Variants in KIAA1217 observed in about 807,000 individuals in gnomAD.
The protein encoded by KIAA1217 is KIAA1217, also known as sickle tail protein homolog.
A neutral mutation model predicts 163.9 loss-of-function variants in KIAA1217; 88 were observed. The ratio of observed to expected loss-of-function variants is 0.54; its 90% CI spans 0.45 to 0.64. KIAA1217 has a LOEUF of 0.64. KIAA1217 is among the 30% of genes least tolerant of loss of function. The pLI is 0.00. For missense variants in KIAA1217, 2,372 were observed against 2,475.0 expected (o/e 0.96, Z 0.88); for synonymous variants, 903 against 923.1 (o/e 0.98, Z 0.39).
At chr10:23,948,360 C>T (rs1844156198) in intron 1 of KIAA1217, among the ~76,000 whole-genome samples, 1 of 152,164 alleles carries the variant, frequency 6.6e-6, no homozygotes, top group African/African-American at 2.4e-5. Flanking sequence ...AAGAAGATTA[C>T]TTTGAGCATC....
rs547637944 is a variant in KIAA1217, at chr10:24,303,433, G to A, written c.355-77436G>A. On this transcript the variant is annotated intron_variant, in intron 2 of 20. Coordinates refer to ENST00000376454, the MANE Select transcript of KIAA1217 (RefSeq NM_019590.5). The stretch of plus-strand genomic sequence containing the variant: ...CTCCTGGACAACGTAGGGACAACAG[G>A]CCATGACTAGGGTGGTGGCCATGAG... Among the ~76,000 whole-genome samples, 11 of 152,276 alleles carry A rather than the reference G, an allele frequency of 7.2e-5. No homozygotes were observed. The East Asian group carries it at 2.1e-3, about 29-fold the overall frequency.
intron 1 of KIAA1217, among the ~76,000 whole-genome samples, chr10:23,968,606 A>G (rs1845171843): frequency 6.6e-6 from 1 of 152,166 alleles, no homozygotes; most frequent in African/African-American, 2.4e-5. Flanking sequence ...GAAATCCTGC[A>G]TCCATTAGCG....
chr10:24,197,026 A>C (rs2067022927), intron 2 of KIAA1217, among the ~76,000 whole-genome samples: 1 of 152,232 alleles, frequency 6.6e-6, no homozygotes, highest in South Asian at 2.1e-4. Flanking sequence ...CTTCACTACG[A>C]TATGGAGTTA....
intron 1 of KIAA1217, among the ~76,000 whole-genome samples, chr10:23,994,349 G>GTGGAAATCT (rs1042914811): frequency 6.6e-6 from 1 of 152,170 alleles, no homozygotes; most frequent in Non-Finnish European, 1.5e-5. Flanking sequence ...ATCTGATGTA[G>GTGGAAATCT]TGGAAATCTC....
At chr10:23,949,680 A>C (rs1220483219) in intron 1 of KIAA1217, among the ~76,000 whole-genome samples, 1 of 152,212 alleles carries the variant, frequency 6.6e-6, no homozygotes, top group Non-Finnish European at 1.5e-5. Flanking sequence ...AAAGTCATTT[A>C]TGATCATGAT....
At chr10:23,934,602 TATATGTATATATATATA>T in intron 1 of KIAA1217, among the ~76,000 whole-genome samples, 1 of 85,452 alleles carries the variant, frequency 1.2e-5, no homozygotes, top group African/African-American at 1.2e-4. Context: ...TATATATATA[TATATGTATATATATATA>T]TATATATTTT....
intron 3 of KIAA1217, 60 bp downstream of exon 3, chr10:24,381,127 C>T: frequency 8.1e-7 from 1 of 1,234,774 alleles, no homozygotes; most frequent in Non-Finnish European, 1.1e-6. Flanking sequence ...TGTTGTTATA[C>T]TACTGAACCT....
intron 2 of KIAA1217, among the ~76,000 whole-genome samples, chr10:24,298,520 G>C (rs546099539): frequency 6.6e-6 from 1 of 152,190 alleles, no homozygotes; most frequent in Non-Finnish European, 1.5e-5. Context: ...GTAGCGAGCC[G>C]GGCGCAGTGG....
intron 2 of KIAA1217, among the ~76,000 whole-genome samples, chr10:24,079,334 G>A (rs905913954): frequency 3.9e-5 from 6 of 152,208 alleles, no homozygotes; most frequent in African/African-American, 1.4e-4. Flanking sequence ...ATGCCCCCAT[G>A]GAGGGCCATT....
chr10:24,086,948 G>C (rs1018245123), intron 2 of KIAA1217, among the ~76,000 whole-genome samples: 1 of 152,154 alleles, frequency 6.6e-6, no homozygotes, highest in Non-Finnish European at 1.5e-5. Context: ...AGCTGGTACA[G>C]GGAAGTTGTA....
At position 23,723,779 on chromosome 10, in the gene KIAA1217, T is replaced by A. The variant is rs562388642; in HGVS notation, c.-321+28545T>A. Among the ~76,000 whole-genome samples the A allele has an allele frequency of 2.5e-3, 382 of 152,322 alleles. 1 individual carries two copies. The highest frequency in any genetic ancestry group is 4.4e-3 in the East Asian group (23 of 5,192). ...TAGGTTTGCTGTTTGCTGATTTTTTTTAAAAAATGTTAAAATTCATATGTG... is the reference window on the plus strand; with the variant it reads ...TAGGTTTGCTGTTTGCTGATTTTTTATAAAAAATGTTAAAATTCATATGTG... On this transcript the variant is annotated intron_variant, in intron 1 of 18. Transcript: ENST00000376462.
At chr10:24,022,173 C>T (rs963317446) in intron 2 of KIAA1217, among the ~76,000 whole-genome samples, 1 of 151,380 alleles carries the variant, frequency 6.6e-6, no homozygotes, top group Non-Finnish European at 1.5e-5. Context: ...AAGCCACACA[C>T]TGGAAGAAAT....
intron 2 of KIAA1217, among the ~76,000 whole-genome samples, chr10:24,149,270 C>T (rs965948107): frequency 7.9e-5 from 12 of 152,172 alleles, no homozygotes; most frequent in African/African-American, 2.2e-4. Context: ...ACCTCTGCCT[C>T]CTGGGTTTAA....
chr10:24,545,679 C>T, intron 20 of KIAA1217, 148 bp from the exon 21 acceptor site: 3 of 1,452,396 alleles, frequency 2.1e-6, no homozygotes, highest in Admixed American at 2.9e-5. Flanking sequence ...TCCAGTAGAG[C>T]ACAACAAGAC....
chr10:23,800,126 A>G (rs1836400756), intron 1 of KIAA1217, among the ~76,000 whole-genome samples: 2 of 152,176 alleles, frequency 1.3e-5, no homozygotes, highest in African/African-American at 4.8e-5. Flanking sequence ...ACAAAAATGG[A>G]AGATCAAAAT....
intron 1 of KIAA1217, among the ~76,000 whole-genome samples, chr10:23,755,906 C>A (rs1036137251): frequency 6.6e-6 from 1 of 152,046 alleles, no homozygotes; most frequent in African/African-American, 2.4e-5. Context: ...ACATAATAAC[C>A]AATACCTTTG....
intron 2 of KIAA1217, among the ~76,000 whole-genome samples, chr10:24,116,537 T>C (rs2063062666): frequency 6.6e-6 from 1 of 152,172 alleles, no homozygotes; most frequent in Non-Finnish European, 1.5e-5. Context: ...TCAATTTTTA[T>C]GTGTTCCAAT....
At chr10:24,132,125 A>G (rs968284993) in intron 2 of KIAA1217, among the ~76,000 whole-genome samples, 1 of 152,210 alleles carries the variant, frequency 6.6e-6, no homozygotes, top group African/African-American at 2.4e-5. Context: ...GTAGAAAATC[A>G]CGAAGGACTG....
chr10:24,251,133 T>G (rs1346158039), intron 2 of KIAA1217, among the ~76,000 whole-genome samples: 1 of 151,672 alleles, frequency 6.6e-6, no homozygotes, highest in Non-Finnish European at 1.5e-5. Flanking sequence ...GGCTGAGGCA[T>G]GAGAATCACT....
Sources: gnomAD v4.1 joint callset for allele counts (sites outside exome capture counted in the v4.1 genomes callset) on GRCh38, gnomAD v4.1.1 for gene constraint, MANE v1.5 for transcripts, NCBI Gene and HGNC (gene_info 2026-07-23, HGNC 2026-07-21) for gene names.